UBL3: variants seen among roughly 807,000 people sequenced by gnomAD.
UBL3 encodes ubiquitin like 3.
A neutral mutation model predicts 18.4 loss-of-function variants in UBL3; 6 were observed. The ratio of observed to expected loss-of-function variants is 0.33; its 90% CI spans 0.18 to 0.64. The LOEUF (loss-of-function observed/expected upper bound fraction) is 0.64. Among genes scored for constraint, UBL3 ranks in the 30% least tolerant of loss-of-function variants. The pLI is 0.76. For missense variants in UBL3, 109 were observed against 142.9 expected (o/e 0.76, Z 1.21); for synonymous variants, 49 against 46.6 (o/e 1.05, Z -0.21).
chr13:29,833,967 C>T (rs1484904833), intron 1 of UBL3, among the ~76,000 whole-genome samples: 3 of 152,090 alleles, frequency 2.0e-5, no homozygotes, highest in African/African-American at 7.2e-5. Flanking sequence ...GCGGGCAGAT[C>T]ACGAGGTCAA....
rs972678443 is a variant in UBL3 at position 29,766,107 on chromosome 13, T to C, written c.*1148A>G. 6.6e-6 allele frequency: 1 copy of C among 152,600 alleles called. No homozygotes were observed. Among genetic ancestry groups the C allele is most frequent in the African/African-American group, 2.4e-5 (1 of 41,468 alleles). The allele number at this position is 152,600 out of a possible 1,614,324, so 9.5% of individuals were successfully genotyped here. On this transcript the variant is annotated 3_prime_UTR_variant, in exon 5 of 5. Coordinates refer to ENST00000380680, the MANE Select transcript of UBL3 (RefSeq NM_007106.4). The stretch of plus-strand genomic sequence containing the variant: ...AAAAATCTTTCATATTTTTACAGGT[T>C]TAGATGAAAGTAGCTCATGCTTTAG...
chr13:29,849,273 A>AT lies in UBL3; in HGVS notation c.27+238dup, dbSNP rs1294164003. On this transcript the variant is annotated intron_variant, in intron 1 of 4. Transcript: ENST00000380680. ...TTGTCCCCTCAAGCTACCATGATAC[A>AT]TTTCCCTACTTCTCCACTATCTTCA... is the stretch of plus-strand genomic sequence containing the variant. Among the ~76,000 whole-genome samples the AT allele has an allele frequency of 2.0e-5, 3 of 152,250 alleles. No homozygotes were observed. The East Asian group carries it at 5.8e-4, about 29-fold the overall frequency.
intron 1 of UBL3, among the ~76,000 whole-genome samples, chr13:29,793,391 A>AT (rs528098804): frequency 1.3e-3 from 196 of 152,274 alleles, no homozygotes; most frequent in Non-Finnish European, 2.2e-3. Flanking sequence ...AATATCACAT[A>AT]TTTTTTGCAA....
chr13:29,831,160 T>C (rs908443173), intron 1 of UBL3, among the ~76,000 whole-genome samples: 27 of 152,192 alleles, frequency 1.8e-4, no homozygotes, highest in Non-Finnish European at 3.8e-4. Context: ...CATATTGATA[T>C]TTTTTCAACT....
chr13:29,803,827 C>T (rs1877834120), intron 1 of UBL3, among the ~76,000 whole-genome samples: 1 of 152,086 alleles, frequency 6.6e-6, no homozygotes, highest in African/African-American at 2.4e-5. Context: ...TAGATCTCCA[C>T]ACAATAATAG....
intron 1 of UBL3, 42 bp from the exon 2 acceptor site, chr13:29,777,305 T>G (rs1877025968): frequency 6.6e-7 from 1 of 1,514,836 alleles, no homozygotes; most frequent in Non-Finnish European, 8.9e-7. Flanking sequence ...ATCTAAAAAT[T>G]TTTTAAGTAA....
rs1876660547 is a variant in UBL3, at chr13:29,765,720, C to T, written c.*1535G>A. Reference sequence around the variant, plus strand: ...ATTCATTTTAAAACTCTGCTCTATACAAATTTAATTCTGATCAGTATGAAC... The same window carrying T: ...ATTCATTTTAAAACTCTGCTCTATATAAATTTAATTCTGATCAGTATGAAC... On this transcript the variant is annotated 3_prime_UTR_variant, in exon 5 of 5. Transcript: ENST00000380680. 6.6e-6 allele frequency: 1 copy of T among 152,460 alleles called. No homozygotes were observed. The highest frequency in any genetic ancestry group is 1.5e-5 in the Non-Finnish European group (1 of 67,958). 9.4% of individuals were successfully genotyped at this position (152,460 alleles called of 1,614,324 possible).
At chr13:29,813,703 G>A (rs755852575) in intron 1 of UBL3, among the ~76,000 whole-genome samples, 2 of 152,042 alleles carry the variant, frequency 1.3e-5, no homozygotes, top group African/African-American at 2.4e-5. Flanking sequence ...TTTATATCAC[G>A]GACTTGAAGC....
intron 1 of UBL3, among the ~76,000 whole-genome samples, chr13:29,801,166 A>ATGGCAACTCTGGCATGC (rs1456285958): frequency 1.3e-5 from 2 of 152,152 alleles, no homozygotes; most frequent in Admixed American, 6.5e-5. Context: ...AGAGGGCCTG[A>ATGGCAACTCTGGCATGC]TGGCAACTCT....
chr13:29,799,291 C>T (rs747624872), intron 1 of UBL3, among the ~76,000 whole-genome samples: 18 of 152,206 alleles, frequency 1.2e-4, no homozygotes, highest in Non-Finnish European at 2.2e-4. Context: ...GCAAAATTGC[C>T]TTGGTTGAGA....
chr13:29,796,481 T>C lies in UBL3; in HGVS notation c.28-19218A>G, dbSNP rs543155698. 4.5e-4 allele frequency among the ~76,000 whole-genome samples: 69 copies of C among 152,334 alleles called. 2 individuals carry two copies. The highest frequency in any genetic ancestry group is 1.5e-3 in the African/African-American group (64 of 41,590). On this transcript the variant is annotated intron_variant, in intron 1 of 4. Coordinates refer to ENST00000380680, the MANE Select transcript of UBL3 (RefSeq NM_007106.4). ...TCTTCCCAATTACCTATAATTCTTA[T>C]AAATCTAATAAACTAAACTTATAAA...
intron 2 of UBL3, among the ~76,000 whole-genome samples, chr13:29,775,830 G>A (rs1345387194): frequency 6.6e-6 from 1 of 151,958 alleles, no homozygotes; most frequent in Admixed American, 6.6e-5. Flanking sequence ...TGGCCAGGTT[G>A]GTCTTGAACT....
chr13:29,784,771 T>C (rs1323546838), intron 1 of UBL3, among the ~76,000 whole-genome samples: 1 of 152,194 alleles, frequency 6.6e-6, no homozygotes, highest in African/African-American at 2.4e-5. Flanking sequence ...TCCTGTATCT[T>C]GGCTGTAGTA....
chr13:29,838,377 G>C (rs1879013632), intron 1 of UBL3, among the ~76,000 whole-genome samples: 1 of 152,090 alleles, frequency 6.6e-6, no homozygotes, highest in East Asian at 1.9e-4. Flanking sequence ...AAGACCTCCA[G>C]AAAGGTAAAT....
intron 1 of UBL3, among the ~76,000 whole-genome samples, chr13:29,778,728 C>A: frequency 6.6e-6 from 1 of 152,114 alleles, no homozygotes; most frequent in South Asian, 2.1e-4. Flanking sequence ...AATGTCACTC[C>A]CAGCACCTCA....
intron 1 of UBL3, among the ~76,000 whole-genome samples, chr13:29,803,461 A>C (rs1375812686): frequency 3.9e-5 from 6 of 152,210 alleles, no homozygotes; most frequent in African/African-American, 1.4e-4. Flanking sequence ...AAATGGGTTA[A>C]ATGCCCCAAT....
intron 1 of UBL3, among the ~76,000 whole-genome samples, chr13:29,783,772 A>G (rs1877238412): frequency 1.3e-5 from 2 of 152,220 alleles, no homozygotes; most frequent in South Asian, 4.1e-4. Context: ...TACATTTAAA[A>G]ACCTCTGCTT....
intron 2 of UBL3, among the ~76,000 whole-genome samples, chr13:29,776,257 C>CTTTTTTTTTTTTTT (rs1565989095): frequency 2.1e-5 from 2 of 97,180 alleles, no homozygotes; most frequent in African/African-American, 3.9e-5. Context: ...TTTTTCTTTT[C>CTTTTTTTTTTTTTT]TTTCTTTTTT....
At chr13:29,828,367 T>G (rs2139356253) in intron 1 of UBL3, among the ~76,000 whole-genome samples, 1 of 152,294 alleles carries the variant, frequency 6.6e-6, no homozygotes, top group South Asian at 2.1e-4. Flanking sequence ...TCTTGGAGGC[T>G]TTGTTCGTTT....
Sources: allele counts gnomAD v4.1 joint callset (sites outside exome capture counted in the v4.1 genomes callset), GRCh38; gene constraint gnomAD v4.1.1; transcripts MANE v1.5; gene names NCBI Gene and HGNC (gene_info 2026-07-23, HGNC 2026-07-21).